The following TRIP11 variants were observed in gnomAD, a reference collection of about 807,000 sequenced individuals.
The protein encoded by TRIP11 is thyroid hormone receptor interactor 11.
Under a neutral mutation model 223.1 loss-of-function variants are expected in TRIP11, and 148 were observed. The ratio of observed to expected loss-of-function variants is 0.66; its 90% confidence interval spans 0.58 to 0.76. The LOEUF (loss-of-function observed/expected upper bound fraction) is 0.76. Among genes scored for constraint, TRIP11 ranks in the 30% least tolerant of loss-of-function variants. The pLI is 0.00. For missense variants in TRIP11, 2,043 were observed against 2,222.0 expected (o/e 0.92, Z 1.62); for synonymous variants, 762 against 772.6 (o/e 0.99, Z 0.23).
rs767207472 is a variant in TRIP11 at position 92,003,529 on chromosome 14, G to C, written c.4447C>G (p.Gln1483Glu). ...ATAGAAAACTTCATGTTAGTCTCTT[G>C]TAACGCTTGATATTCTGTTTCCTTT... is the stretch of plus-strand genomic sequence containing the variant. ...RGKETEYQAL[Q>E]ETNMKFSMML... The change falls in exon 11 of 21, where the codon CAA becomes GAA. Residue 1483 changes from glutamine to glutamate, a missense_variant. Physicochemically the swap from Gln to Glu is conservative, Grantham distance 29 (BLOSUM62 2). Transcript: ENST00000267622. The C allele has an allele frequency of 6.1e-5, 99 of 1,613,950 alleles. No individual in the cohort carries two copies. The East Asian group carries it at 2.2e-3, about 36-fold the overall frequency.
chr14:92,039,692 G>A lies in TRIP11; in HGVS notation c.-7C>T. The A allele has an allele frequency of 1.2e-6, 2 of 1,610,820 alleles. No homozygotes were observed. The highest frequency in any genetic ancestry group is 8.5e-7 in the Non-Finnish European group (1 of 1,178,610). On this transcript the variant is annotated 5_prime_UTR_variant, in exon 1 of 21. Transcript: ENST00000267622. Reference sequence around the variant, plus strand: ...CCCCAAGCCAGGACGACATCGCGGCGAGTTTAGAGAACGACCCGGTCCGCT... The same window carrying A: ...CCCCAAGCCAGGACGACATCGCGGCAAGTTTAGAGAACGACCCGGTCCGCT...
At chr14:91,993,095 A>G (rs1200737803) in intron 15 of TRIP11, among the ~76,000 whole-genome samples, 1 of 151,898 alleles carries the variant, frequency 6.6e-6, no homozygotes, top group Non-Finnish European at 1.5e-5. Flanking sequence ...TATACAAAAA[A>G]AAAAAGATTT....
rs751423044 is a variant in TRIP11, at chr14:92,033,252, T to G, written c.141A>C (p.Ala47=). 19 of 1,610,096 alleles carry G rather than the reference T, an allele frequency of 1.2e-5. No individual in the cohort carries two copies. In the East Asian group the frequency reaches 4.3e-4, roughly 36 times the overall value. Residue 47 remains alanine, a splice_region_variant and synonymous_variant, in exon 2 of 21, where the codon GCA becomes GCC. Coordinates refer to ENST00000267622, the MANE Select transcript of TRIP11 (RefSeq NM_004239.4). ...CCTTTGTCCTAGAATCAGGTAATTC[T>G]GCTACAAGAGAAATAACAAATATTG... ...MLMEGTEEVE[A]ELPDSRTKEI...
At chr14:91,992,905 T>C (rs1428149661) in intron 15 of TRIP11, among the ~76,000 whole-genome samples, 1 of 63,568 alleles carries the variant, frequency 1.6e-5, no homozygotes, top group African/African-American at 6.8e-5. Context: ...CGAGACTCCG[T>C]CTCAAAAAAA....
At chr14:92,009,772 A>T (rs941182952) in intron 9 of TRIP11, among the ~76,000 whole-genome samples, 3 of 152,208 alleles carry the variant, frequency 2.0e-5, no homozygotes, top group Non-Finnish European at 4.4e-5. Flanking sequence ...GAAATATGGT[A>T]TGTAAAAAGG....
chr14:92,004,030 G>A lies in TRIP11; in HGVS notation c.3946C>T (p.Leu1316=). 4.3e-6 allele frequency: 7 copies of A among 1,614,146 alleles called. No homozygotes were observed. The highest frequency in any genetic ancestry group is 4.2e-6 in the Non-Finnish European group (5 of 1,180,030). ...GGAGTAAGCAATGATGCAGAAGACA[G>A]CTGGGGTGAAATAATATCAAGTTTT... is the stretch of plus-strand genomic sequence containing the variant. The part of the protein sequence containing the change: ...LGKLDIISPQ[L]SSASLLTPQS... Residue 1316 remains leucine, a synonymous_variant, in exon 11 of 21, where the codon CTG becomes TTG. Transcript: ENST00000267622.
intron 13 of TRIP11, among the ~76,000 whole-genome samples, chr14:91,996,312 T>G (rs1336455514): frequency 6.6e-6 from 1 of 152,206 alleles, no homozygotes; most frequent in Non-Finnish European, 1.5e-5. Flanking sequence ...ACTCTTCCTG[T>G]GAAAGTGACT....
chr14:92,019,446 A>C (rs2057081873), intron 4 of TRIP11, among the ~76,000 whole-genome samples: 1 of 152,178 alleles, frequency 6.6e-6, no homozygotes, highest in Admixed American at 6.5e-5. Flanking sequence ...TGCTTTTTGG[A>C]GATAAGATGG....
At chr14:92,018,525 T>C (rs2057065492) in intron 4 of TRIP11, among the ~76,000 whole-genome samples, 1 of 152,202 alleles carries the variant, frequency 6.6e-6, no homozygotes, top group African/African-American at 2.4e-5. Flanking sequence ...TATTACTATG[T>C]AGCATTTTAA....
intron 17 of TRIP11, among the ~76,000 whole-genome samples, chr14:91,975,790 G>A (rs2056456708): frequency 6.6e-6 from 1 of 151,954 alleles, no homozygotes; most frequent in African/African-American, 2.4e-5. Flanking sequence ...GTTCATTTAA[G>A]GACAGTAAAA....
chr14:92,000,826 A>C (rs1459656577), intron 11 of TRIP11, among the ~76,000 whole-genome samples: 2 of 151,506 alleles, frequency 1.3e-5, no homozygotes, highest in Non-Finnish European at 2.9e-5. Context: ...AAGCACAAAA[A>C]CGTGTCAGGC....
chr14:91,983,888 C>A (rs1178131475), intron 16 of TRIP11, among the ~76,000 whole-genome samples: 1 of 152,174 alleles, frequency 6.6e-6, no homozygotes, highest in African/African-American at 2.4e-5. Flanking sequence ...AAAAACTTTA[C>A]CATCCAGCAC....
chr14:92,025,510 C>G, intron 2 of TRIP11, 90 bp from the exon 3 acceptor site: 6 of 832,944 alleles, frequency 7.2e-6, no homozygotes, highest in Non-Finnish European at 1.2e-5. Context: ...GTACTGCTTT[C>G]CCCCCCCAAA....
intron 16 of TRIP11, among the ~76,000 whole-genome samples, chr14:91,985,081 T>G (rs1316416937): frequency 6.6e-6 from 1 of 152,190 alleles, no homozygotes; most frequent in Non-Finnish European, 1.5e-5. Context: ...AGTTCCCTAC[T>G]GCTGGTTTAT....
intron 5 of TRIP11, 75 bp downstream of exon 5, chr14:92,017,607 A>G: frequency 8.9e-7 from 1 of 1,117,478 alleles, no homozygotes; most frequent in Non-Finnish European, 1.3e-6. Context: ...TGAGACTTTT[A>G]CTAATTCAGG....
At chr14:92,000,501 A>G (rs910799597) in intron 11 of TRIP11, among the ~76,000 whole-genome samples, 14 of 152,210 alleles carry the variant, frequency 9.2e-5, no homozygotes, top group African/African-American at 2.9e-4. Context: ...CCTCATAACA[A>G]TGTAAGATGT....
At chr14:92,010,676 C>CAGGA (rs957426961) in intron 9 of TRIP11, among the ~76,000 whole-genome samples, 8 of 151,978 alleles carry the variant, frequency 5.3e-5, no homozygotes, top group African/African-American at 1.9e-4. Flanking sequence ...TACTCCAGAC[C>CAGGA]TCCTGACCTA....
chr14:92,006,723 G>A (rs892376054), intron 10 of TRIP11, among the ~76,000 whole-genome samples: 9 of 149,988 alleles, frequency 6.0e-5, no homozygotes, highest in East Asian at 2.0e-4. Context: ...GCGCAATCTC[G>A]GCTCACCGCA....
chr14:92,016,901 A>C (rs1186058915), intron 5 of TRIP11, among the ~76,000 whole-genome samples: 1 of 152,224 alleles, frequency 6.6e-6, no homozygotes, highest in African/African-American at 2.4e-5. Context: ...TCTGACAATA[A>C]TTTTAACACT....
Sources: gnomAD v4.1 joint callset for allele counts (sites outside exome capture counted in the v4.1 genomes callset) on GRCh38, gnomAD v4.1.1 for gene constraint, MANE v1.5 for transcripts, NCBI Gene and HGNC (gene_info 2026-07-23, HGNC 2026-07-21) for gene names.